ARMC2: variants seen among roughly 807,000 people sequenced by gnomAD.
ARMC2 encodes armadillo repeat containing 2.
ARMC2 carries 67 observed loss-of-function variants against 90.3 expected under a neutral mutation model. The ratio of observed to expected loss-of-function variants is 0.74; its 90% CI spans 0.61 to 0.91. The LOEUF is 0.91. ARMC2 is among the 40% of genes least tolerant of loss of function. The pLI, the probability that ARMC2 is intolerant of heterozygous loss-of-function variation, is 0.00. For missense variants in ARMC2, 920 were observed against 1,030.9 expected, an observed-to-expected ratio of 0.89 and a Z score of 1.47; for synonymous variants, 393 against 393.0, an observed-to-expected ratio of 1.00 and a Z score of 0.00.
chr6:109,035,051 G>A, the ARMC2 span, among the ~76,000 whole-genome samples: 1 of 152,096 alleles, frequency 6.6e-6, no homozygotes, highest in South Asian at 2.1e-4. Context: ...CTTATGGTGA[G>A]AAAGAAGAGA....
At chr6:108,853,629 A>C (rs924340518) in intron 1 of ARMC2, among the ~76,000 whole-genome samples, 4 of 152,036 alleles carry the variant, frequency 2.6e-5, no homozygotes, top group Admixed American at 6.6e-5. Context: ...AATGACTTTA[A>C]CTCTTTCAGG....
At chr6:108,882,426 G>GTCT (rs1430161100) in intron 5 of ARMC2, among the ~76,000 whole-genome samples, 2 of 133,050 alleles carry the variant, frequency 1.5e-5, no homozygotes, top group Non-Finnish European at 3.2e-5. Flanking sequence ...GCGATGGAGT[G>GTCT]AGACTCCCTC....
At chr6:108,997,022 T>A in the ARMC2 span, among the ~76,000 whole-genome samples, 3 of 152,236 alleles carry the variant, frequency 2.0e-5, no homozygotes, top group East Asian at 5.8e-4. Context: ...GAATAAGTAG[T>A]TTCCAGGGTT....
intron 12 of ARMC2, among the ~76,000 whole-genome samples, chr6:108,938,808 A>G (rs1185525184): frequency 6.6e-6 from 1 of 152,042 alleles, no homozygotes; most frequent in African/African-American, 2.4e-5. Flanking sequence ...AAATAGTGCT[A>G]TTGTTTTCTA....
intron 7 of ARMC2, among the ~76,000 whole-genome samples, chr6:108,902,901 C>G (rs994633156): frequency 6.6e-6 from 1 of 152,002 alleles, no homozygotes; most frequent in African/African-American, 2.4e-5. Context: ...GCTGCCACTT[C>G]CAAAAATTAC....
intron 10 of ARMC2, among the ~76,000 whole-genome samples, chr6:108,920,158 C>T (rs1048452046): frequency 2.6e-5 from 4 of 151,976 alleles, no homozygotes; most frequent in African/African-American, 7.3e-5. Flanking sequence ...TTGATCACTA[C>T]ACTGGCTAAT....
chr6:108,998,840 A>C, the ARMC2 span: 4 of 1,418,948 alleles, frequency 2.8e-6, no homozygotes, highest in South Asian at 5.7e-5. Flanking sequence ...AATTTATTGA[A>C]AACATGAGTC....
At chr6:109,045,227 T>TA in the ARMC2 span, among the ~76,000 whole-genome samples, 4 of 152,112 alleles carry the variant, frequency 2.6e-5, no homozygotes, top group Non-Finnish European at 4.4e-5. Context: ...CTAGAAACTG[T>TA]AAAATCTATC....
intron 2 of ARMC2, among the ~76,000 whole-genome samples, chr6:108,854,906 C>G (rs1456061344): frequency 6.6e-6 from 1 of 152,222 alleles, no homozygotes; most frequent in African/African-American, 2.4e-5. Context: ...ACTTCCTTCC[C>G]TCATCCCCTA....
At chr6:109,000,482 A>G in the ARMC2 span, 2 of 1,520,726 alleles carry the variant, frequency 1.3e-6, no homozygotes, top group South Asian at 2.7e-5. Context: ...ATATTACCCC[A>G]CTGCTTACCT....
chr6:108,868,673 A>G (rs1776077628), intron 3 of ARMC2, 151 bp from the exon 4 acceptor site: 7 of 658,218 alleles, frequency 1.1e-5, no homozygotes, highest in Non-Finnish European at 1.6e-5. Context: ...ATTATGTAAG[A>G]TGGGCCAGTG....
At chr6:108,935,857 AGG>A (rs1490894709) in intron 11 of ARMC2, among the ~76,000 whole-genome samples, 6 of 152,146 alleles carry the variant, frequency 3.9e-5, no homozygotes, top group Non-Finnish European at 7.3e-5. Context: ...TCCAAAAAAA[AGG>A]TTTTTTTAAA....
intron 10 of ARMC2, among the ~76,000 whole-genome samples, chr6:108,926,764 A>G (rs1399531880): frequency 9.2e-5 from 14 of 152,156 alleles, no homozygotes; most frequent in Admixed American, 9.2e-4. Flanking sequence ...GAAGAAGACT[A>G]CATTGTGACA....
chr6:108,930,874 C>T (rs1036893279), intron 11 of ARMC2, among the ~76,000 whole-genome samples: 4 of 150,520 alleles, frequency 2.7e-5, no homozygotes, highest in Admixed American at 6.6e-5. Context: ...GGATTACAGG[C>T]GTGAGCCACC....
intron 5 of ARMC2, among the ~76,000 whole-genome samples, chr6:108,892,537 A>G (rs1187130966): frequency 1.3e-5 from 2 of 151,976 alleles, no homozygotes; most frequent in East Asian, 3.9e-4. Flanking sequence ...AGGCAGGCGG[A>G]TCACCTGAGG....
At chr6:109,027,251 T>C in the ARMC2 span, among the ~76,000 whole-genome samples, 1 of 151,914 alleles carries the variant, frequency 6.6e-6, no homozygotes, top group Non-Finnish European at 1.5e-5. Context: ...GGTGGGCAGA[T>C]TGCCTGAGGT....
At chr6:109,005,791 T>C in the ARMC2 span, among the ~76,000 whole-genome samples, 3 of 152,160 alleles carry the variant, frequency 2.0e-5, no homozygotes, top group Non-Finnish European at 4.4e-5. Flanking sequence ...ATCCCAACTA[T>C]GTGGGATTAT....
chr6:109,015,420 T>C, the ARMC2 span, among the ~76,000 whole-genome samples: 1 of 152,216 alleles, frequency 6.6e-6, no homozygotes, highest in Non-Finnish European at 1.5e-5. Context: ...AGACACTGCC[T>C]GTGTCTGACA....
intron 15 of ARMC2, among the ~76,000 whole-genome samples, chr6:108,963,139 T>C (rs564191971): frequency 1.1e-4 from 16 of 152,372 alleles, no homozygotes; most frequent in African/African-American, 3.4e-4. Flanking sequence ...GTACAACATA[T>C]TGTTTGGAAT....
Sources: gnomAD v4.1 joint callset for allele counts (sites outside exome capture counted in the v4.1 genomes callset) on GRCh38, gnomAD v4.1.1 for gene constraint, MANE v1.5 for transcripts, NCBI Gene and HGNC (gene_info 2026-07-23, HGNC 2026-07-21) for gene names.